The following FAM185A variants were observed in gnomAD, a reference collection of about 807,000 sequenced individuals.
The protein encoded by FAM185A is family with sequence similarity 185 member A, also known as protein FAM185A.
FAM185A carries 21 observed loss-of-function variants against 45.7 expected under a neutral mutation model. The observed-to-expected ratio is 0.46, with a 90% CI of 0.33 to 0.66. The LOEUF (loss-of-function observed/expected upper bound fraction) is 0.66, where lower values mean the gene tolerates loss of function less well. Among genes scored for constraint, FAM185A ranks in the 30% least tolerant of loss-of-function variants. The probability of loss-of-function intolerance (pLI) is 0.03; values close to 1 mark genes in which losing one functional copy is unlikely to be tolerated. For synonymous variants in FAM185A, 117 were observed against 194.0 expected (o/e 0.60, Z 3.30); for missense variants, 305 against 485.4 (o/e 0.63, Z 3.49).
intron 6 of FAM185A, among the ~76,000 whole-genome samples, chr7:102,778,512 T>C (rs1347527217): frequency 3.3e-5 from 5 of 152,260 alleles, no homozygotes; most frequent in Non-Finnish European, 7.3e-5. Flanking sequence ...AATAATTTAA[T>C]GTTTTGCACA....
At chr7:102,809,895 TC>T (rs960984214), downstream of FAM185A, among the ~76,000 whole-genome samples, 3 of 152,106 alleles carry the variant, frequency 2.0e-5, no homozygotes, top group African/African-American at 4.8e-5. Context: ...ACCACCACCT[TC>T]TTGGTTCTGT....
intron 6 of FAM185A, among the ~76,000 whole-genome samples, chr7:102,781,034 G>A (rs181349871): frequency 1.3e-5 from 2 of 152,308 alleles, no homozygotes; most frequent in East Asian, 3.9e-4. Context: ...TGGCTCTGAG[G>A]GTCCTATGCC....
intron 4 of FAM185A, among the ~76,000 whole-genome samples, chr7:102,767,147 T>TTG (rs1382685745): frequency 6.6e-6 from 1 of 151,308 alleles, no homozygotes. Context: ...TTTTTTTTTT[T>TTG]TGTGGTGCAA....
chr7:102,768,373 CT>C (rs1794539568), intron 4 of FAM185A, among the ~76,000 whole-genome samples: 1 of 146,790 alleles, frequency 6.8e-6, no homozygotes, highest in South Asian at 2.3e-4. Flanking sequence ...ATCTTGTTGA[CT>C]TTTTTAATCT....
In FAM185A at chr7:102,795,284, G is replaced by A. The variant is rs1796381438; in HGVS notation, c.1066+7815G>A. On this transcript the variant is annotated intron_variant, in intron 7 of 7. Coordinates refer to ENST00000413034, the MANE Select transcript of FAM185A (RefSeq NM_001145268.2). ...CACCATTAGGGGAACTGAGTGATGG[G>A]TATACAGAACCTCTCTCTACTGTTT... is the stretch of plus-strand genomic sequence containing the variant. Among the ~76,000 whole-genome samples, 4 of 152,100 alleles carry A rather than the reference G, an allele frequency of 2.6e-5. No homozygotes were observed. In the South Asian group the frequency reaches 8.3e-4, roughly 32 times the overall value.
At chr7:102,834,083 A>AGGAAGGAAGGAAGGAAGGAAGGAAGGG in the FAM185A span, among the ~76,000 whole-genome samples, 1 of 88,848 alleles carries the variant, frequency 1.1e-5, no homozygotes, top group African/African-American at 6.1e-5. Flanking sequence ...GAAGGAAGGA[A>AGGAAGGAAGGAAGGAAGGAAGGAAGGG]AGAAAAGAAA....
Position 102,751,807 on chromosome 7 carries a change from G to A in FAM185A, c.561+6G>A, listed in dbSNP as rs1473623971. On this transcript the variant is annotated splice_donor_region_variant and intron_variant, in intron 2 of 7. Coordinates refer to ENST00000413034, the MANE Select transcript of FAM185A (RefSeq NM_001145268.2). Reference sequence around the variant, plus strand: ...GTATCTTGCAGTCTGTTAAGGTATAGCATTTTTCTAATTTTATTTCACTAT... The same window carrying A: ...GTATCTTGCAGTCTGTTAAGGTATAACATTTTTCTAATTTTATTTCACTAT... The A allele has an allele frequency of 6.7e-7, 1 of 1,492,420 alleles. No homozygotes were observed. The highest frequency in any genetic ancestry group is 2.5e-5 in the Admixed American group (1 of 39,820). The allele number at this position is 1,492,420 out of a possible 1,614,324, so 92.4% of individuals were successfully genotyped here.
chr7:102,850,012 G>GA, the FAM185A span, among the ~76,000 whole-genome samples: 14 of 140,240 alleles, frequency 1.0e-4, no homozygotes, highest in East Asian at 2.1e-4. Flanking sequence ...TGTTTTTTTA[G>GA]AAAAAAAAAA....
the FAM185A span, among the ~76,000 whole-genome samples, chr7:102,848,125 A>AT: frequency 2.6e-5 from 4 of 152,072 alleles, no homozygotes; most frequent in African/African-American, 7.2e-5. Context: ...ATGAAACCTG[A>AT]TTTTCTCCTG....
chr7:102,834,853 A>C, the FAM185A span: 1 of 150,908 alleles, frequency 6.6e-6, no homozygotes, highest in Admixed American at 6.6e-5. Context: ...ATGAATGTTA[A>C]TTAGCTTGAT....
chr7:102,840,774 G>C, the FAM185A span, among the ~76,000 whole-genome samples: 1 of 152,088 alleles, frequency 6.6e-6, no homozygotes, highest in Admixed American at 6.5e-5. Flanking sequence ...TATGTGACCA[G>C]GAACAAGTCA....
chr7:102,813,480 A>C, downstream of FAM185A: 1 of 1,614,118 alleles, frequency 6.2e-7, no homozygotes, highest in South Asian at 1.1e-5. Flanking sequence ...GAGGGTCATT[A>C]GTGTTGTATT....
intron 7 of FAM185A, among the ~76,000 whole-genome samples, chr7:102,793,206 T>A (rs1021568358): frequency 5.3e-5 from 8 of 150,928 alleles, no homozygotes; most frequent in Admixed American, 1.3e-4. Flanking sequence ...TGGTGTTTTT[T>A]TTTTGTTGTT....
the FAM185A span, among the ~76,000 whole-genome samples, chr7:102,825,929 G>C: frequency 6.6e-6 from 1 of 152,136 alleles, no homozygotes; most frequent in Non-Finnish European, 1.5e-5. Context: ...ATGGTTACCC[G>C]AGATTGCCAC....
chr7:102,826,753 A>ATATATATATACATG, the FAM185A span, among the ~76,000 whole-genome samples: 1 of 112,254 alleles, frequency 8.9e-6, no homozygotes, highest in Non-Finnish European at 1.8e-5. Context: ...ATATATATAT[A>ATATATATATACATG]TATATATATA....
chr7:102,749,815 G>A (rs1288375247), intron 1 of FAM185A, among the ~76,000 whole-genome samples, 157 bp downstream of exon 1: 1 of 152,144 alleles, frequency 6.6e-6, no homozygotes, highest in African/African-American at 2.4e-5. Context: ...TTCTGTTCTT[G>A]AGTGTCCGAG....
chr7:102,816,595 G>A, the FAM185A span, among the ~76,000 whole-genome samples: 1 of 152,170 alleles, frequency 6.6e-6, no homozygotes, highest in Non-Finnish European at 1.5e-5. Flanking sequence ...CTATGTAGCT[G>A]TGTGTTTGCA....
chr7:102,844,884 A>G, the FAM185A span, among the ~76,000 whole-genome samples: 1 of 152,208 alleles, frequency 6.6e-6, no homozygotes, highest in Non-Finnish European at 1.5e-5. Context: ...AGGACAACTC[A>G]AATAATTCAG....
At chr7:102,813,510 T>G (rs1797588068), downstream of FAM185A, 5 of 1,614,066 alleles carry the variant, frequency 3.1e-6, no homozygotes, top group Non-Finnish European at 4.2e-6. Context: ...GAACTTTAGA[T>G]GACATTCTTT....
Sources: allele counts gnomAD v4.1 joint callset (sites outside exome capture counted in the v4.1 genomes callset), GRCh38; gene constraint gnomAD v4.1.1; transcripts MANE v1.5; gene names NCBI Gene and HGNC (gene_info 2026-07-23, HGNC 2026-07-21).